Variants in PAX5 observed in about 807,000 individuals in gnomAD.
PAX5 encodes paired box 5.
PAX5 carries 9 observed loss-of-function variants against 43.7 expected under a neutral mutation model. That is an observed-to-expected ratio of 0.21 (90% CI 0.12 to 0.36). PAX5 has a LOEUF of 0.36. PAX5 is among the 10% of genes least tolerant of loss of function. The probability of loss-of-function intolerance (pLI) is 1.00; values close to 1 mark genes in which losing one functional copy is unlikely to be tolerated. For missense variants in PAX5, 383 were observed against 532.7 expected (o/e 0.72, Z 2.77); for synonymous variants, 228 against 214.3 (o/e 1.06, Z -0.56).
At chr9:36,925,071 G>C (rs1024735722) in intron 6 of PAX5, among the ~76,000 whole-genome samples, 1 of 152,026 alleles carries the variant, frequency 6.6e-6, no homozygotes, top group Non-Finnish European at 1.5e-5. Flanking sequence ...CACTGGGAGG[G>C]AAACCAAAGG....
chr9:36,890,921 C>G (rs953394243), intron 7 of PAX5, among the ~76,000 whole-genome samples: 1 of 152,148 alleles, frequency 6.6e-6, no homozygotes, highest in African/African-American at 2.4e-5. Flanking sequence ...GGAGGATCAC[C>G]TGAGGTCAGG....
At chr9:36,901,196 C>T (rs148931999) in intron 7 of PAX5, among the ~76,000 whole-genome samples, 9 of 152,206 alleles carry the variant, frequency 5.9e-5, no homozygotes, top group Non-Finnish European at 1.3e-4. Flanking sequence ...CAAGGTCTGC[C>T]CCCAGGTCTT....
chr9:36,950,956 C>G (rs926870780), intron 6 of PAX5, among the ~76,000 whole-genome samples: 2 of 152,022 alleles, frequency 1.3e-5, no homozygotes, highest in African/African-American at 4.8e-5. Flanking sequence ...CGAGACCAAG[C>G]TGGTCTCAAA....
At chr9:36,988,243 C>G (rs1314011627) in intron 5 of PAX5, among the ~76,000 whole-genome samples, 1 of 152,140 alleles carries the variant, frequency 6.6e-6, no homozygotes, top group African/African-American at 2.4e-5. Flanking sequence ...CCCTCAGCTA[C>G]GACTTGAATT....
chr9:37,022,423 T>C (rs1839929204), intron 1 of PAX5, among the ~76,000 whole-genome samples: 1 of 152,136 alleles, frequency 6.6e-6, no homozygotes, highest in Admixed American at 6.5e-5. Flanking sequence ...TTTAAAAAGG[T>C]TGTACAGATC....
intron 8 of PAX5, among the ~76,000 whole-genome samples, chr9:36,850,870 G>A (rs940508127): frequency 1.3e-5 from 2 of 152,184 alleles, no homozygotes; most frequent in Admixed American, 6.5e-5. Context: ...ATTCCCCCAG[G>A]AGCAAGCAGT....
At chr9:36,893,991 A>C (rs1305262917) in intron 7 of PAX5, among the ~76,000 whole-genome samples, 2 of 152,192 alleles carry the variant, frequency 1.3e-5, no homozygotes, top group African/African-American at 4.8e-5. Flanking sequence ...CTGGGTCCAG[A>C]GTGGCTCCCT....
rs557748134 is a variant in PAX5, at chr9:36,999,855, G to T, written c.604+2793C>A. On this transcript the variant is annotated intron_variant, in intron 5 of 9. Transcript: ENST00000358127. Reference sequence around the variant, plus strand: ...GCCTTCAGGTCTCACTTCTCTCTCCGCATCCAACCTGCTAATCATGCCCTT... The same window carrying T: ...GCCTTCAGGTCTCACTTCTCTCTCCTCATCCAACCTGCTAATCATGCCCTT... 2.2e-4 allele frequency among the ~76,000 whole-genome samples: 33 copies of T among 151,970 alleles called. No individual in the cohort carries two copies. The South Asian group carries it at 5.6e-3, about 26-fold the overall frequency.
At chr9:36,949,562 A>G (rs1832832738) in intron 6 of PAX5, among the ~76,000 whole-genome samples, 1 of 152,226 alleles carries the variant, frequency 6.6e-6, no homozygotes, top group South Asian at 2.1e-4. Context: ...GCCTACATTC[A>G]CTTTTATTAC....
intron 7 of PAX5, among the ~76,000 whole-genome samples, chr9:36,906,193 C>A (rs985021838): frequency 1.3e-5 from 2 of 152,206 alleles, no homozygotes; most frequent in Non-Finnish European, 2.9e-5. Flanking sequence ...ATTCCCAGAA[C>A]CTGTGACTAT....
intron 8 of PAX5, among the ~76,000 whole-genome samples, chr9:36,854,611 C>G (rs1363209248): frequency 4.6e-5 from 7 of 152,160 alleles, no homozygotes; most frequent in Admixed American, 4.6e-4. Context: ...TCACTGCACC[C>G]ACGCCAAGCC....
chr9:36,911,095 T>C (rs1331515757), intron 7 of PAX5, among the ~76,000 whole-genome samples: 2 of 152,208 alleles, frequency 1.3e-5, no homozygotes, highest in African/African-American at 2.4e-5. Context: ...CACCACTCCC[T>C]GAGTCTCTCT....
At chr9:37,004,128 G>GTAAGT (rs1394112167) in intron 4 of PAX5, among the ~76,000 whole-genome samples, 1 of 152,226 alleles carries the variant, frequency 6.6e-6, no homozygotes, top group East Asian at 1.9e-4. Context: ...TTAAAGTCTA[G>GTAAGT]ATTTCCCCCG....
intron 7 of PAX5, among the ~76,000 whole-genome samples, chr9:36,888,267 T>A (rs1827072107): frequency 6.6e-6 from 1 of 152,184 alleles, no homozygotes; most frequent in Admixed American, 6.5e-5. Context: ...CTCCTAGGTG[T>A]ACACCCCAGA....
At chr9:36,851,080 G>A (rs1012724493) in intron 8 of PAX5, among the ~76,000 whole-genome samples, 1 of 152,244 alleles carries the variant, frequency 6.6e-6, no homozygotes, top group Non-Finnish European at 1.5e-5. Flanking sequence ...TTGGGCAAGC[G>A]ATTGAACCTT....
chr9:36,977,314 T>TG (rs1435085873), intron 5 of PAX5, among the ~76,000 whole-genome samples: 1 of 28,228 alleles, frequency 3.5e-5, no homozygotes, highest in Non-Finnish European at 7.1e-5. Flanking sequence ...ATTGGGGGGG[T>TG]GGGGGGAGGG....
At chr9:36,981,190 C>A (rs559097544) in intron 5 of PAX5, among the ~76,000 whole-genome samples, 18 of 148,676 alleles carry the variant, frequency 1.2e-4, no homozygotes, top group African/African-American at 3.5e-4. Flanking sequence ...GCAAAGCCCC[C>A]CCCCCCTCAG....
intron 1 of PAX5, among the ~76,000 whole-genome samples, chr9:37,028,560 C>A (rs1400777781): frequency 6.6e-6 from 1 of 152,212 alleles, no homozygotes; most frequent in Admixed American, 6.5e-5. Context: ...GGCTGGCCCT[C>A]TTTCCTGCCT....
intron 2 of PAX5, among the ~76,000 whole-genome samples, chr9:37,016,627 CAGA>C (rs1475497015): frequency 6.6e-6 from 1 of 152,190 alleles, no homozygotes; most frequent in African/African-American, 2.4e-5. Flanking sequence ...TCAATATTTA[CAGA>C]AGAATTCTTG....
Sources: gnomAD v4.1 joint callset for allele counts (sites outside exome capture counted in the v4.1 genomes callset) on GRCh38, gnomAD v4.1.1 for gene constraint, MANE v1.5 for transcripts, NCBI Gene and HGNC (gene_info 2026-07-23, HGNC 2026-07-21) for gene names.